Variants in ADGRG6 observed in about 807,000 individuals in gnomAD.
ADGRG6 encodes the protein G-protein coupled receptor 126.
Under a neutral mutation model 142.4 loss-of-function variants are expected in ADGRG6, and 84 were observed. The ratio of observed to expected loss-of-function variants is 0.59; its 90% CI spans 0.49 to 0.71. The LOEUF (loss-of-function observed/expected upper bound fraction) is 0.71. ADGRG6 is among the 30% of genes least tolerant of loss of function. The probability of loss-of-function intolerance (pLI) is 0.00; values close to 1 mark genes in which losing one functional copy is unlikely to be tolerated. For missense variants in ADGRG6, 1,367 were observed against 1,466.6 expected, an observed-to-expected ratio of 0.93 and a Z score of 1.11; for synonymous variants, 521 against 520.5, an observed-to-expected ratio of 1.00 and a Z score of -0.01.
rs1562307976 is a variant in ADGRG6 at position 142,318,360 on chromosome 6, A to ATATTTATATTATATATTTATATATTATAT, written c.103+8716_103+8717insTATTTATATTATATATTTATATATTATAT. Reference sequence around the variant, plus strand: ...TATATTATATATTTATATATTATATAATATTTATATATATTTATATATTTA... The same window carrying ATATTTATATTATATATTTATATATTATAT: ...TATATTATATATTTATATATTATATATATTTATATTATATATTTATATATTATATATATTTATATATATTTATATATTTA... On this transcript the variant is annotated intron_variant, in intron 2 of 24. Transcript: ENST00000367609. Among the ~76,000 whole-genome samples, 475 of 80,576 alleles carry ATATTTATATTATATATTTATATATTATAT rather than the reference A, an allele frequency of 5.9e-3. 72 individuals carry two copies. The highest frequency in any genetic ancestry group is 0.036 in the African/African-American group (431 of 12,118). 52.9% of individuals were successfully genotyped at this position (80,576 alleles called of 152,430 possible).
chr6:142,314,003 T>G (rs1017885296), intron 2 of ADGRG6, among the ~76,000 whole-genome samples: 9 of 152,186 alleles, frequency 5.9e-5, no homozygotes, highest in African/African-American at 2.2e-4. Flanking sequence ...GTATGTGTGT[T>G]TCACTCAGAA....
At chr6:142,431,094 G>GT (rs35467593) in intron 22 of ADGRG6, among the ~76,000 whole-genome samples, 36,702 of 147,398 alleles carry the variant, frequency 0.25, 4,491 homozygotes, top group Middle Eastern at 0.3. Flanking sequence ...CACAATTACA[G>GT]TTTTTTTTTT....
chr6:142,437,169 G>C (rs879455975), intron 22 of ADGRG6, among the ~76,000 whole-genome samples: 12 of 152,094 alleles, frequency 7.9e-5, no homozygotes, highest in Non-Finnish European at 1.8e-4. Flanking sequence ...TGGCTTTTAG[G>C]TTAAGTCATA....
chr6:142,338,013 C>CTTTTTTTTTTTTTTTTTTTT (rs1779405902), intron 2 of ADGRG6, among the ~76,000 whole-genome samples: 12 of 26,074 alleles, frequency 4.6e-4, no homozygotes, highest in Non-Finnish European at 6.2e-4. Flanking sequence ...TGCCTTGTAT[C>CTTTTTTTTTTTTTTTTTTTT]TTTGTTTTTT....
rs150807716 is a variant in ADGRG6 at position 142,330,948 on chromosome 6, T to G, written c.103+21304T>G. Among the ~76,000 whole-genome samples the G allele has an allele frequency of 3.9e-5, 6 of 152,230 alleles. No homozygotes were observed. In the East Asian group the frequency reaches 1.2e-3, roughly 29 times the overall value. On this transcript the variant is annotated intron_variant, in intron 2 of 24. Coordinates refer to ENST00000367609, the MANE Select transcript of ADGRG6 (RefSeq NM_198569.3). ...GAATTGTTTCTTTAAAAAAAAAGCT[T>G]TTTAAGCTTCATTTATATAACTGGA...
At chr6:142,441,586 T>C (rs1777758437) in intron 24 of ADGRG6, among the ~76,000 whole-genome samples, 1 of 152,192 alleles carries the variant, frequency 6.6e-6, no homozygotes, top group African/African-American at 2.4e-5. Context: ...TTGGATCACA[T>C]TGTTGAAATG....
intron 24 of ADGRG6, 62 bp from the exon 25 acceptor site, chr6:142,443,274 TG>T: frequency 9.7e-7 from 1 of 1,030,014 alleles, no homozygotes; most frequent in Non-Finnish European, 1.5e-6. Context: ...GTATACAATA[TG>T]GTGGCCTGTA....
chr6:142,407,415 T>C (rs1019967957), intron 15 of ADGRG6, among the ~76,000 whole-genome samples: 2 of 152,144 alleles, frequency 1.3e-5, no homozygotes, highest in Non-Finnish European at 2.9e-5. Flanking sequence ...TTATTTGGAA[T>C]TTATCCTGTG....
chr6:142,373,859 T>A (rs1583054678), intron 4 of ADGRG6, among the ~76,000 whole-genome samples: 1 of 151,256 alleles, frequency 6.6e-6, no homozygotes, highest in East Asian at 1.9e-4. Context: ...GTTTTTTTAA[T>A]ACTTGTTTTT....
intron 2 of ADGRG6, among the ~76,000 whole-genome samples, chr6:142,341,526 A>G (rs1401093055): frequency 1.7e-5 from 2 of 119,230 alleles, no homozygotes; most frequent in Non-Finnish European, 1.7e-5. Flanking sequence ...ATAATATTAT[A>G]TAGTATATAT....
chr6:142,400,383 C>A, intron 10 of ADGRG6, 102 bp from the exon 11 acceptor site: 1 of 622,308 alleles, frequency 1.6e-6, no homozygotes, highest in Non-Finnish European at 2.9e-6. Flanking sequence ...TAAAGAAATA[C>A]CTAATTACCA....
intron 22 of ADGRG6, among the ~76,000 whole-genome samples, chr6:142,437,181 T>C (rs564366325): frequency 1.3e-5 from 2 of 152,308 alleles, no homozygotes; most frequent in South Asian, 4.1e-4. Flanking sequence ...TAAGTCATAA[T>C]GAATGCTGAA....
intron 2 of ADGRG6, among the ~76,000 whole-genome samples, chr6:142,315,651 T>G (rs1778010762): frequency 6.6e-6 from 1 of 151,718 alleles, no homozygotes; most frequent in South Asian, 2.1e-4. Context: ...GCCAACATGG[T>G]GAAACCCCGA....
chr6:142,426,026 A>C (rs139476911), intron 22 of ADGRG6, among the ~76,000 whole-genome samples: 2,439 of 152,248 alleles, frequency 0.016, 61 homozygotes, highest in African/African-American at 0.05. Context: ...TGGGAGTTAC[A>C]ATTCAAGATG....
chr6:142,309,865 GTTTATTTC>G (rs1777681169), intron 2 of ADGRG6, among the ~76,000 whole-genome samples: 1 of 150,908 alleles, frequency 6.6e-6, no homozygotes, highest in South Asian at 2.1e-4. Context: ...TTTCTAATGA[GTTTATTTC>G]TTTAATCTTT....
intron 9 of ADGRG6, among the ~76,000 whole-genome samples, chr6:142,396,711 GA>G (rs1367911225): frequency 6.6e-6 from 1 of 152,084 alleles, no homozygotes; most frequent in East Asian, 1.9e-4. Flanking sequence ...CTCTGAATAT[GA>G]AGAAGAAACA....
chr6:142,409,718 G>C (rs943627697), intron 16 of ADGRG6, among the ~76,000 whole-genome samples, 156 bp from the exon 17 acceptor site: 2 of 152,102 alleles, frequency 1.3e-5, no homozygotes, highest in Non-Finnish European at 2.9e-5. Context: ...TGGGAGAGAA[G>C]AAGATCCCCC....
At chr6:142,423,400 C>T (rs1461600178) in intron 22 of ADGRG6, among the ~76,000 whole-genome samples, 1 of 152,134 alleles carries the variant, frequency 6.6e-6, no homozygotes, top group African/African-American at 2.4e-5. Flanking sequence ...CCAATTTTCC[C>T]AGCACCATTT....
At chr6:142,371,587 G>A (rs564780886) in intron 4 of ADGRG6, among the ~76,000 whole-genome samples, 5 of 148,684 alleles carry the variant, frequency 3.4e-5, no homozygotes, top group Middle Eastern at 3.5e-3. Context: ...CCAGATTCAC[G>A]CCATTCTCCT....
Sources: gnomAD v4.1 joint callset for allele counts (sites outside exome capture counted in the v4.1 genomes callset) on GRCh38, gnomAD v4.1.1 for gene constraint, MANE v1.5 for transcripts, NCBI Gene and HGNC (gene_info 2026-07-23, HGNC 2026-07-21) for gene names.